UTRN: variants seen among roughly 807,000 people sequenced by gnomAD.
The protein encoded by UTRN is utrophin, also known as dystrophin-related protein 1.
In UTRN, 283 loss-of-function variants were observed where a neutral mutation model predicts 463.9. The ratio of observed to expected loss-of-function variants is 0.61; its 90% confidence interval spans 0.55 to 0.67. The LOEUF (loss-of-function observed/expected upper bound fraction) is 0.67, where lower values mean the gene tolerates loss of function less well. Among genes scored for constraint, UTRN ranks in the 30% least tolerant of loss-of-function variants. The pLI is 0.00. For missense variants in UTRN, 3,922 were observed against 4,084.3 expected (o/e 0.96, Z 1.08); for synonymous variants, 1,442 against 1,431.5 (o/e 1.01, Z -0.17).
chr6:144,651,261 A>C (rs557527572), intron 51 of UTRN, among the ~76,000 whole-genome samples: 14 of 152,154 alleles, frequency 9.2e-5, no homozygotes, highest in Non-Finnish European at 1.8e-4. Context: ...ATATAATAAT[A>C]AGAAAGTCTT....
chr6:144,337,235 C>T (rs1776807652), intron 2 of UTRN, among the ~76,000 whole-genome samples: 1 of 151,732 alleles, frequency 6.6e-6, no homozygotes, highest in Non-Finnish European at 1.5e-5. Flanking sequence ...AGAGGAGGGC[C>T]ACCCTGGGAG....
intron 47 of UTRN, 50 bp from the exon 48 acceptor site, chr6:144,550,912 ATTC>A (rs2128611708): frequency 1.4e-6 from 2 of 1,459,356 alleles, no homozygotes; most frequent in Non-Finnish European, 1.8e-6. Flanking sequence ...TTTGCTTATT[ATTC>A]TTCTCATATG....
chr6:144,608,535 A>G (rs1272329123), intron 51 of UTRN, among the ~76,000 whole-genome samples: 1 of 152,204 alleles, frequency 6.6e-6, no homozygotes, highest in Non-Finnish European at 1.5e-5. Context: ...TGGCTGAACA[A>G]TAAGCGGAAC....
intron 2 of UTRN, chr6:144,344,110 A>AT: frequency 8.9e-7 from 1 of 1,128,348 alleles, no homozygotes; most frequent in Non-Finnish European, 1.1e-6. Context: ...AAAAAAAAAA[A>AT]CCCAAAATAA....
chr6:144,647,514 A>G (rs1255997465), intron 51 of UTRN, among the ~76,000 whole-genome samples: 1 of 152,218 alleles, frequency 6.6e-6, no homozygotes, highest in Non-Finnish European at 1.5e-5. Context: ...AACCAGAAAG[A>G]TCATTGGTTA....
intron 50 of UTRN, among the ~76,000 whole-genome samples, chr6:144,576,478 C>A (rs1051300452): frequency 2.0e-5 from 3 of 152,074 alleles, no homozygotes; most frequent in Non-Finnish European, 4.4e-5. Flanking sequence ...CTAAATATTA[C>A]TAAATAAGAA....
At position 144,488,792 on chromosome 6, in the gene UTRN, G is replaced by C; in HGVS notation, c.4092G>C (p.Leu1364=). The change falls in exon 30 of 75, where the codon CTG becomes CTC. Residue 1364 remains leucine, a synonymous_variant. Transcript: ENST00000367545. ...GELDKQLTTY[L]TDRIDAFQVP... ...TGGACAAACAGCTCACCACATACCT[G>C]ACTGACAGGATAGATGCTTTCCAAG... 1 of 1,607,624 alleles carries C rather than the reference G, an allele frequency of 6.2e-7. No individual in the cohort carries two copies. The highest frequency in any genetic ancestry group is 8.5e-7 in the Non-Finnish European group (1 of 1,176,348).
At chr6:144,820,540 T>C (rs1219312867) in intron 65 of UTRN, among the ~76,000 whole-genome samples, 2 of 152,226 alleles carry the variant, frequency 1.3e-5, no homozygotes, top group Non-Finnish European at 2.9e-5. Context: ...ATTGAAAATT[T>C]TTTTAGTGAT....
intron 33 of UTRN, among the ~76,000 whole-genome samples, chr6:144,494,161 T>C (rs1466539105): frequency 1.3e-5 from 2 of 152,202 alleles, no homozygotes; most frequent in African/African-American, 4.8e-5. Context: ...CTCACTGACT[T>C]CAAGAATGAA....
intron 53 of UTRN, among the ~76,000 whole-genome samples, chr6:144,723,952 G>A (rs1361037982): frequency 7.2e-6 from 1 of 139,558 alleles, no homozygotes; most frequent in Non-Finnish European, 1.5e-5. Context: ...AGAGGTTGCA[G>A]TGAGCCAAGA....
chr6:144,716,912 T>A (rs1379355928), intron 53 of UTRN, among the ~76,000 whole-genome samples: 1 of 152,192 alleles, frequency 6.6e-6, no homozygotes, highest in Non-Finnish European at 1.5e-5. Context: ...TGTTGGAGAT[T>A]TAAGTTTCTT....
chr6:144,475,334 C>A (rs373810875), intron 25 of UTRN, among the ~76,000 whole-genome samples: 1 of 152,024 alleles, frequency 6.6e-6, no homozygotes, highest in Non-Finnish European at 1.5e-5. Flanking sequence ...AACATTCAGG[C>A]GTGGAGAATA....
intron 53 of UTRN, among the ~76,000 whole-genome samples, chr6:144,728,040 CA>C (rs1277387439): frequency 7.0e-6 from 1 of 143,146 alleles, no homozygotes; most frequent in Non-Finnish European, 1.5e-5. Flanking sequence ...GCAGAGGTTG[CA>C]AGTGAGCCAA....
chr6:144,548,503 A>G (rs1257918188), intron 46 of UTRN, 137 bp from the exon 47 acceptor site: 10 of 737,994 alleles, frequency 1.4e-5, no homozygotes, highest in Non-Finnish European at 1.7e-5. Flanking sequence ...CCATTTCAGT[A>G]TGAAAAAATA....
At chr6:144,401,770 A>T (rs1026929996) in intron 2 of UTRN, among the ~76,000 whole-genome samples, 4 of 152,066 alleles carry the variant, frequency 2.6e-5, no homozygotes, top group African/African-American at 7.2e-5. Context: ...AAGACCACAA[A>T]CTGGGTGAAG....
rs1285180567 is a variant in UTRN at position 144,286,867 on chromosome 6, A to G, written c.-93+1046A>G. On this transcript the variant is annotated intron_variant, in intron 1 of 74. Coordinates refer to ENST00000367545, the MANE Select transcript of UTRN (RefSeq NM_007124.3). The surrounding 1 kb of genome is among the most constrained non-coding windows in gnomAD (Gnocchi z 4.4). ...CCCCGCTCTCTGAGGTGTTCAGGAC[A>G]GGGCCTCCTCTTTCCCAGCCTTCAG... is the stretch of plus-strand genomic sequence containing the variant. 6.6e-6 allele frequency among the ~76,000 whole-genome samples: 1 copy of G among 152,042 alleles called. No homozygotes were observed. The highest frequency in any genetic ancestry group is 1.5e-5 in the Non-Finnish European group (1 of 68,020).
chr6:144,363,398 A>G (rs747386082), intron 2 of UTRN, among the ~76,000 whole-genome samples: 19 of 152,210 alleles, frequency 1.2e-4, no homozygotes, highest in Non-Finnish European at 2.1e-4. Context: ...GGTGAGGTGT[A>G]AGATGGTTGA....
At chr6:144,802,691 A>G (rs1293732445) in intron 64 of UTRN, among the ~76,000 whole-genome samples, 1 of 152,206 alleles carries the variant, frequency 6.6e-6, no homozygotes, top group East Asian at 1.9e-4. Flanking sequence ...TAAACCAAAT[A>G]TAAAAGTGCT....
intron 65 of UTRN, among the ~76,000 whole-genome samples, chr6:144,815,675 T>C (rs1779013367): frequency 6.6e-6 from 1 of 152,232 alleles, no homozygotes; most frequent in African/African-American, 2.4e-5. Context: ...TTCCATCTTC[T>C]CCTGCCTGCT....
Sources: allele counts gnomAD v4.1 joint callset (sites outside exome capture counted in the v4.1 genomes callset), GRCh38; gene constraint gnomAD v4.1.1; non-coding constraint Gnocchi (gnomAD v3.1); transcripts MANE v1.5; gene names NCBI Gene and HGNC (gene_info 2026-07-23, HGNC 2026-07-21).